Variants in CCBE1 observed in about 807,000 individuals in gnomAD.
CCBE1 encodes collagen and calcium-binding EGF domain-containing protein 1.
A neutral mutation model predicts 50.0 loss-of-function variants in CCBE1; 37 were observed. The observed-to-expected ratio is 0.74, with a 90% confidence interval of 0.57 to 0.97. The LOEUF (loss-of-function observed/expected upper bound fraction) is 0.97. CCBE1 is among the 50% of genes least tolerant of loss of function. The pLI, the probability that CCBE1 is intolerant of heterozygous loss-of-function variation, is 0.00. For missense variants in CCBE1, 538 were observed against 523.8 expected (o/e 1.03, Z -0.26); for synonymous variants, 234 against 203.7 (o/e 1.15, Z -1.27).
intron 2 of CCBE1, among the ~76,000 whole-genome samples, chr18:59,583,838 T>C (rs2053132452): frequency 6.6e-6 from 1 of 152,214 alleles, no homozygotes; most frequent in Non-Finnish European, 1.5e-5. Context: ...TGTGTCCCTG[T>C]GCAAATCTCA....
At position 59,492,655 on chromosome 18, in the gene CCBE1, A is replaced by AC. The variant is rs149120468; in HGVS notation, c.213-12418dup. On this transcript the variant is annotated intron_variant, in intron 2 of 10. Transcript: ENST00000439986. Reference sequence around the variant, plus strand: ...TACACAAGAAACCTGTATCCGTGACACCACTCGGTTGTGCATAAGAGAAAA... The same window carrying AC: ...TACACAAGAAACCTGTATCCGTGACACCCACTCGGTTGTGCATAAGAGAAAA... Among the ~76,000 whole-genome samples, 483 of 152,328 alleles carry AC rather than the reference A, an allele frequency of 3.2e-3. 1 individual carries two copies. Among genetic ancestry groups the AC allele is most frequent in the South Asian group, 7.5e-3 (36 of 4,818 alleles).
chr18:59,466,772 A>G lies in CCBE1; in HGVS notation c.520T>C (p.Cys174Arg), dbSNP rs121908254. Residue 174 changes from cysteine to arginine, a missense_variant, in exon 5 of 11, where the codon TGT becomes CGT. Physicochemically the swap from Cys to Arg is radical, Grantham distance 180. Transcript: ENST00000439986. ...GYIREDDGKT[C>R]TRGDKYPNDT... ...TTGGGATATTTGTCTCCCCTGGTAC[A>G]TGTCTTCCCATCATCTTCCCGGATG... The G allele has an allele frequency of 1.5e-5, 24 of 1,613,610 alleles. No homozygotes were observed. The highest frequency in any genetic ancestry group is 1.9e-5 in the Non-Finnish European group (22 of 1,179,882).
At chr18:59,622,875 G>A (rs1459649208) in intron 2 of CCBE1, among the ~76,000 whole-genome samples, 1 of 151,374 alleles carries the variant, frequency 6.6e-6, no homozygotes, top group East Asian at 1.9e-4. Context: ...GAGAGGGAGG[G>A]ATAGGGGGAG....
intron 2 of CCBE1, among the ~76,000 whole-genome samples, chr18:59,661,420 G>T (rs1420905946): frequency 6.6e-6 from 1 of 152,164 alleles, no homozygotes; most frequent in African/African-American, 2.4e-5. Flanking sequence ...TTCATTAGCT[G>T]ACTGTTCTGA....
In CCBE1 at chr18:59,622,446, G is replaced by A. The variant is rs566775304; in HGVS notation, c.212+74183C>T. ...TTGAACCCGGGAGGCAGAGCTTGCA[G>A]TGAGCTGAGATCATGCCACTGCCCT... On this transcript the variant is annotated intron_variant, in intron 2 of 10. Transcript: ENST00000439986. 9.2e-5 allele frequency among the ~76,000 whole-genome samples: 14 copies of A among 151,900 alleles called. No homozygotes were observed. In the South Asian group the frequency reaches 2.9e-3, roughly 32 times the overall value.
intron 2 of CCBE1, among the ~76,000 whole-genome samples, chr18:59,487,934 A>G (rs1912901085): frequency 6.6e-6 from 1 of 152,256 alleles, no homozygotes; most frequent in African/African-American, 2.4e-5. Context: ...GCCAGAAGGT[A>G]GACACATCCC....
intron 2 of CCBE1, among the ~76,000 whole-genome samples, chr18:59,485,683 T>C (rs990011964): frequency 3.3e-5 from 5 of 151,998 alleles, no homozygotes; most frequent in African/African-American, 1.2e-4. Flanking sequence ...TGATCTCGGC[T>C]CCCTGCAACC....
At chr18:59,533,541 A>T (rs929137089) in intron 2 of CCBE1, among the ~76,000 whole-genome samples, 2 of 152,224 alleles carry the variant, frequency 1.3e-5, no homozygotes, top group Non-Finnish European at 2.9e-5. Flanking sequence ...AAATATGTAA[A>T]GAAAATAATG....
rs539838910 is a variant in CCBE1 at position 59,431,389 on chromosome 18, T to C, written c.*4519A>G. On this transcript the variant is annotated 3_prime_UTR_variant, in exon 11 of 11. Coordinates refer to ENST00000439986, the MANE Select transcript of CCBE1 (RefSeq NM_133459.4). ...CTTTAGATGGCTCTATTCTACTTGT[T>C]GTTTGGCCTGGATTCCTCCAATAAC... 1 of 152,246 alleles carries C rather than the reference T, an allele frequency of 6.6e-6. No individual in the cohort carries two copies. The highest frequency in any genetic ancestry group is 1.5e-5 in the Non-Finnish European group (1 of 68,054). The allele number at this position is 152,246 out of a possible 1,614,324, so 9.4% of individuals were successfully genotyped here.
At chr18:59,589,215 C>A (rs8084154) in intron 2 of CCBE1, among the ~76,000 whole-genome samples, 1,666 of 152,218 alleles carry the variant, frequency 0.011, 24 homozygotes, top group East Asian at 0.032. Context: ...GCCAATTCAC[C>A]AACTTACATT....
chr18:59,476,177 A>T (rs886097735), intron 3 of CCBE1, among the ~76,000 whole-genome samples: 1 of 152,190 alleles, frequency 6.6e-6, no homozygotes, highest in African/African-American at 2.4e-5. Flanking sequence ...CAAAATAAAG[A>T]TAATAATACC....
intron 2 of CCBE1, among the ~76,000 whole-genome samples, chr18:59,627,688 G>C (rs781433717): frequency 6.6e-6 from 1 of 152,154 alleles, no homozygotes; most frequent in East Asian, 1.9e-4. Flanking sequence ...GTCAAGGAAC[G>C]CCAAAGCTTG....
At chr18:59,575,640 A>G (rs2052983988) in intron 2 of CCBE1, among the ~76,000 whole-genome samples, 1 of 152,218 alleles carries the variant, frequency 6.6e-6, no homozygotes, top group Non-Finnish European at 1.5e-5. Flanking sequence ...TGTGAATATT[A>G]TGCTTAAGTT....
At chr18:59,652,542 G>A (rs2054139548) in intron 2 of CCBE1, among the ~76,000 whole-genome samples, 2 of 151,972 alleles carry the variant, frequency 1.3e-5, no homozygotes, top group Admixed American at 1.3e-4. Context: ...AGAAAGCTTA[G>A]GTCTATAAAA....
At chr18:59,439,310 C>T (rs1266935679) in intron 9 of CCBE1, among the ~76,000 whole-genome samples, 1 of 149,572 alleles carries the variant, frequency 6.7e-6, no homozygotes, top group Non-Finnish European at 1.5e-5. Context: ...AAGAAAAATC[C>T]AAAAATTAGC....
At chr18:59,460,393 A>G (rs1172161979) in intron 5 of CCBE1, among the ~76,000 whole-genome samples, 2 of 152,238 alleles carry the variant, frequency 1.3e-5, no homozygotes, top group Non-Finnish European at 2.9e-5. Flanking sequence ...ATACTCAAGA[A>G]TCACTCTCAA....
chr18:59,459,698 G>T (rs918726134), intron 5 of CCBE1, among the ~76,000 whole-genome samples: 16 of 152,156 alleles, frequency 1.1e-4, no homozygotes, highest in African/African-American at 3.6e-4. Flanking sequence ...AATGAACAAA[G>T]CATGTTTGTG....
intron 3 of CCBE1, among the ~76,000 whole-genome samples, chr18:59,476,992 TTATATTGGC>T (rs1323729692): frequency 6.6e-6 from 1 of 152,232 alleles, no homozygotes; most frequent in East Asian, 1.9e-4. Flanking sequence ...TAACTTTATG[TTATATTGGC>T]CTAGAGGGCC....
intron 2 of CCBE1, among the ~76,000 whole-genome samples, chr18:59,525,941 G>A (rs1446611309): frequency 1.3e-5 from 2 of 152,208 alleles, no homozygotes; most frequent in South Asian, 4.2e-4. Flanking sequence ...TGTTCCATTG[G>A]TCTATGTGTC....
Sources: allele counts gnomAD v4.1 joint callset (sites outside exome capture counted in the v4.1 genomes callset), GRCh38; gene constraint gnomAD v4.1.1; transcripts MANE v1.5; gene names NCBI Gene and HGNC (gene_info 2026-07-23, HGNC 2026-07-21).